SPIN1: variants seen among roughly 807,000 people sequenced by gnomAD.
SPIN1 encodes the protein spindlin-1.
SPIN1 carries 3 observed loss-of-function variants against 26.0 expected under a neutral mutation model. The ratio of observed to expected loss-of-function variants is 0.12; its 90% confidence interval spans 0.05 to 0.30. The LOEUF (loss-of-function observed/expected upper bound fraction) is 0.30, where lower values mean the gene tolerates loss of function less well. Among genes scored for constraint, SPIN1 ranks in the 10% least tolerant of loss-of-function variants. The pLI is 1.00. For missense variants in SPIN1, 126 were observed against 333.4 expected (o/e 0.38, Z 4.84); for synonymous variants, 101 against 116.5 (o/e 0.87, Z 0.86).
intron 2 of SPIN1, among the ~76,000 whole-genome samples, chr9:88,441,198 A>T (rs1828116612): frequency 6.6e-6 from 1 of 151,876 alleles, no homozygotes; most frequent in South Asian, 2.1e-4. Flanking sequence ...CATTATTAGT[A>T]ATCTGGAGAT....
rs540930410 is a variant in SPIN1, at chr9:88,403,847, A to G, written c.-159+15309A>G. ...CCTTTGGTTAGTATGTGTAGGGTAT[A>G]TCCTTTTTTACCCTTTAATTTCAGT... On this transcript the variant is annotated intron_variant, in intron 1 of 5. Transcript: ENST00000375859. Among the ~76,000 whole-genome samples the G allele has an allele frequency of 5.3e-5, 8 of 152,306 alleles. No individual in the cohort carries two copies. The East Asian group carries it at 1.5e-3, about 29-fold the overall frequency.
chr9:88,441,425 G>A (rs149507031), intron 2 of SPIN1, among the ~76,000 whole-genome samples: 11 of 149,058 alleles, frequency 7.4e-5, no homozygotes, highest in South Asian at 2.2e-4. Context: ...GCGCGCGCGC[G>A]CGCCCATGTG....
intron 3 of SPIN1, among the ~76,000 whole-genome samples, chr9:88,459,087 T>G (rs906280516): frequency 1.4e-5 from 2 of 144,408 alleles, no homozygotes; most frequent in African/African-American, 5.5e-5. Context: ...AATCATGGAA[T>G]GTCTGTGTAA....
rs1828905311 is a variant in SPIN1, at chr9:88,477,195, T to C, written c.*1918T>C. On this transcript the variant is annotated 3_prime_UTR_variant, in exon 6 of 6. Transcript: ENST00000375859. ...GTTGACTCTTAAGAGTCCCTGCATGTAAATCTCAAAGCTGAGCCTGGCTCC... is the reference window on the plus strand; with the variant it reads ...GTTGACTCTTAAGAGTCCCTGCATGCAAATCTCAAAGCTGAGCCTGGCTCC... 6.6e-6 allele frequency: 1 copy of C among 152,226 alleles called. No homozygotes were observed. The highest frequency in any genetic ancestry group is 1.5e-5 in the Non-Finnish European group (1 of 68,060). 9.4% of individuals were successfully genotyped at this position (152,226 alleles called of 1,614,324 possible).
chr9:88,423,718 C>T (rs997192201), intron 1 of SPIN1, among the ~76,000 whole-genome samples: 9 of 147,984 alleles, frequency 6.1e-5, no homozygotes, highest in African/African-American at 2.0e-4. Flanking sequence ...GCCCAGCCTA[C>T]ATCATGTATT....
chr9:88,410,980 C>G lies in SPIN1; in HGVS notation c.-158-15402C>G, dbSNP rs1827431059. Reference sequence around the variant, plus strand: ...CAGTATGATATTTCTGAATGACAGTCTTATCCACGGAGTTGTGGTCGTCAA... The same window carrying G: ...CAGTATGATATTTCTGAATGACAGTGTTATCCACGGAGTTGTGGTCGTCAA... On this transcript the variant is annotated intron_variant, in intron 1 of 5. Coordinates refer to ENST00000375859, the MANE Select transcript of SPIN1 (RefSeq NM_006717.3). 1.1e-5 allele frequency: 16 copies of G among 1,396,238 alleles called. No homozygotes were observed. In the South Asian group the frequency reaches 1.7e-4, roughly 15 times the overall value. The allele number at this position is 1,396,238 out of a possible 1,614,324, so 86.5% of individuals were successfully genotyped here.
At chr9:88,460,194 C>T (rs1828551424) in intron 3 of SPIN1, among the ~76,000 whole-genome samples, 1 of 152,132 alleles carries the variant, frequency 6.6e-6, no homozygotes, top group African/African-American at 2.4e-5. Context: ...TCTTCTGTTA[C>T]ACAGAAGTTG....
chr9:88,396,325 G>A (rs1827057515), intron 1 of SPIN1, among the ~76,000 whole-genome samples: 1 of 151,762 alleles, frequency 6.6e-6, no homozygotes, highest in Admixed American at 6.6e-5. Context: ...AGGTGGGTGC[G>A]GTGGCTCACA....
chr9:88,463,659 T>C (rs563190496), intron 4 of SPIN1, among the ~76,000 whole-genome samples: 7 of 152,336 alleles, frequency 4.6e-5, no homozygotes, highest in African/African-American at 4.8e-5. Context: ...TAGCAAGTTA[T>C]TTTGTTTTAC....
Position 88,436,057 on chromosome 9 carries a change from C to T in SPIN1, c.52+9466C>T, listed in dbSNP as rs184388442. On this transcript the variant is annotated intron_variant, in intron 2 of 5. Coordinates refer to ENST00000375859, the MANE Select transcript of SPIN1 (RefSeq NM_006717.3). ...TTCAGAGTTCAAAATCATTTTGCTTCAATATTGACAATATTACTCTCTTGT... is the reference window on the plus strand; with the variant it reads ...TTCAGAGTTCAAAATCATTTTGCTTTAATATTGACAATATTACTCTCTTGT... Among the ~76,000 whole-genome samples, 281 of 152,250 alleles carry T rather than the reference C, an allele frequency of 1.8e-3. 9 individuals carry two copies. In the South Asian group the frequency reaches 0.046, roughly 25 times the overall value.
chr9:88,464,348 T>G (rs1352119761), intron 4 of SPIN1, among the ~76,000 whole-genome samples: 2 of 152,236 alleles, frequency 1.3e-5, no homozygotes, highest in African/African-American at 2.4e-5. Context: ...AATTACTTGC[T>G]CTTCACTTAC....
chr9:88,417,590 A>C (rs1032426953), intron 1 of SPIN1, among the ~76,000 whole-genome samples: 2 of 151,942 alleles, frequency 1.3e-5, no homozygotes, highest in African/African-American at 4.8e-5. Flanking sequence ...TTCCTTTCTC[A>C]GCCTCCCCTG....
At chr9:88,443,133 A>C (rs1828173467) in intron 2 of SPIN1, among the ~76,000 whole-genome samples, 1 of 151,120 alleles carries the variant, frequency 6.6e-6, no homozygotes, top group Non-Finnish European at 1.5e-5. Context: ...AAAAAAAAAA[A>C]ACAAAAAAAA....
intron 1 of SPIN1, among the ~76,000 whole-genome samples, chr9:88,412,671 G>A (rs144217528): frequency 6.6e-6 from 1 of 152,016 alleles, no homozygotes; most frequent in Non-Finnish European, 1.5e-5. Context: ...GAAGACCATG[G>A]TGTCTTTCTT....
In SPIN1 at chr9:88,475,211, C is replaced by G. The variant is rs749804298; in HGVS notation, c.723C>G (p.Ser241=). The G allele has an allele frequency of 2.5e-6, 4 of 1,613,722 alleles. No individual in the cohort carries two copies. Among genetic ancestry groups the G allele is most frequent in the Middle Eastern group, 1.6e-4 (1 of 6,084 alleles). ...TTCATCAAGTAGAAGCCAAGCCCTC[C>G]GTCTATTTCATCAAGTTTGATGATG... ...MVIHQVEAKP[S]VYFIKFDDDF... is the part of the protein sequence containing the mutation. Residue 241 remains serine (S), a synonymous_variant, in exon 6 of 6, where the codon TCC becomes TCG. Transcript: ENST00000375859.
chr9:88,417,227 C>T (rs920878339), intron 1 of SPIN1, among the ~76,000 whole-genome samples: 2 of 151,822 alleles, frequency 1.3e-5, no homozygotes, highest in African/African-American at 2.4e-5. Context: ...TTATGTAATC[C>T]CCACTAAGTT....
chr9:88,423,625 G>C (rs112983778), intron 1 of SPIN1, among the ~76,000 whole-genome samples: 81 of 151,470 alleles, frequency 5.3e-4, no homozygotes, highest in Non-Finnish European at 1.0e-3. Context: ...TTTTAGTAGA[G>C]ACCGGGTCTC....
At chr9:88,420,130 C>A (rs1827642269) in intron 1 of SPIN1, among the ~76,000 whole-genome samples, 1 of 152,246 alleles carries the variant, frequency 6.6e-6, no homozygotes, top group East Asian at 1.9e-4. Flanking sequence ...AATCCCAGCA[C>A]TTTGGGAGGC....
intron 1 of SPIN1, among the ~76,000 whole-genome samples, chr9:88,399,064 C>T (rs1827130143): frequency 6.8e-6 from 1 of 146,026 alleles, no homozygotes; most frequent in Non-Finnish European, 1.5e-5. Context: ...TGGAGTCTTG[C>T]TCTATTGCCC....
Sources: gnomAD v4.1 joint callset for allele counts (sites outside exome capture counted in the v4.1 genomes callset) on GRCh38, gnomAD v4.1.1 for gene constraint, MANE v1.5 for transcripts, NCBI Gene and HGNC (gene_info 2026-07-23, HGNC 2026-07-21) for gene names.